NRXN1: variants seen among roughly 807,000 people sequenced by gnomAD.
The protein encoded by NRXN1 is neurexin 1, also known as neurexin-1.
Under a neutral mutation model 150.9 loss-of-function variants are expected in NRXN1, and 39 were observed. That is an observed-to-expected ratio of 0.26 (90% confidence interval 0.20 to 0.34). The LOEUF is 0.34. Among genes scored for constraint, NRXN1 ranks in the 10% least tolerant of loss-of-function variants. The probability of loss-of-function intolerance (pLI) is 1.00; values close to 1 mark genes in which losing one functional copy is unlikely to be tolerated. For missense variants in NRXN1, 1,815 were observed against 1,949.9 expected, an observed-to-expected ratio of 0.93 and a Z score of 1.30; for synonymous variants, 924 against 757.0, an observed-to-expected ratio of 1.22 and a Z score of -3.62.
At chr2:50,527,490 AC>A in intron 12 of NRXN1, among the ~76,000 whole-genome samples, 1 of 152,294 alleles carries the variant, frequency 6.6e-6, no homozygotes, top group Non-Finnish European at 1.5e-5. Flanking sequence ...TAATTTATTA[AC>A]TTAATTTTTA....
chr2:50,266,536 TACACACACACACACACACAC>T (rs67570666), intron 17 of NRXN1, among the ~76,000 whole-genome samples: 1 of 112,800 alleles, frequency 8.9e-6, no homozygotes, highest in Admixed American at 9.5e-5. Flanking sequence ...TGTATATAAA[TACACACACACACACACACAC>T]ACACACACAC....
intron 17 of NRXN1, among the ~76,000 whole-genome samples, chr2:50,340,829 GT>G (rs926105579): frequency 2.6e-5 from 4 of 152,096 alleles, no homozygotes; most frequent in South Asian, 4.1e-4. Context: ...CATAAATTGT[GT>G]TTTTTTCTTT....
Position 50,207,859 on chromosome 2 carries a change from C to T in NRXN1, c.3546+28930G>A, listed in dbSNP as rs146751089. On this transcript the variant is annotated intron_variant, in intron 18 of 22. Coordinates refer to ENST00000401669, the MANE Select transcript of NRXN1 (RefSeq NM_001330078.2). Reference sequence around the variant, plus strand: ...CATTTCAAATCTCTTCCCTGCTATTCAGTACCACAAGTTAGGGCCTTTGTT... The same window carrying T: ...CATTTCAAATCTCTTCCCTGCTATTTAGTACCACAAGTTAGGGCCTTTGTT... Among the ~76,000 whole-genome samples the T allele has an allele frequency of 1.1e-3, 162 of 152,242 alleles. 1 individual carries two copies. Among genetic ancestry groups the T allele is most frequent in the African/African-American group, 3.7e-3 (153 of 41,554 alleles).
intron 5 of NRXN1, among the ~76,000 whole-genome samples, chr2:50,868,143 ATATAT>A: frequency 2.5e-4 from 1 of 3,974 alleles, no homozygotes; most frequent in Non-Finnish European, 5.3e-4. Context: ...ACAAAATATT[ATATAT>A]ATATATATAT....
chr2:50,305,776 CAG>C (rs970499925), intron 17 of NRXN1, among the ~76,000 whole-genome samples: 1 of 152,232 alleles, frequency 6.6e-6, no homozygotes, highest in Non-Finnish European at 1.5e-5. Context: ...AAACACAAGA[CAG>C]AGTCTGCTCT....
At chr2:51,019,017 C>A (rs1669174491) in intron 2 of NRXN1, among the ~76,000 whole-genome samples, 1 of 151,992 alleles carries the variant, frequency 6.6e-6, no homozygotes, top group Non-Finnish European at 1.5e-5. Context: ...CAGTAGGAAG[C>A]AGCACTAAAT....
rs546982879 is a variant in NRXN1, at chr2:50,253,657, C to A, written c.3365-16687G>T. On this transcript the variant is annotated intron_variant, in intron 17 of 22. Transcript: ENST00000401669. ...ATTTTATCAAAAGCTTTTTCTGCGT[C>A]TATTGAGATAATCACATAGTTTTTG... 7.2e-5 allele frequency among the ~76,000 whole-genome samples: 11 copies of A among 152,258 alleles called. No homozygotes were observed. In the South Asian group the frequency reaches 2.3e-3, roughly 32 times the overall value.
In NRXN1 at chr2:50,243,178, TAAC is replaced by T. The variant is rs369780408; in HGVS notation, c.3365-6211_3365-6209del. Among the ~76,000 whole-genome samples the T allele has an allele frequency of 3.8e-4, 57 of 151,762 alleles. 1 individual carries two copies. Among genetic ancestry groups the T allele is most frequent in the African/African-American group, 1.3e-3 (56 of 41,488 alleles). The stretch of plus-strand genomic sequence containing the variant: ...GCTAGGAGAGAGGATCTGAATGATC[TAAC>T]AACAAAGAAATGATAAATATATGAG... On this transcript the variant is annotated intron_variant, in intron 17 of 22. Coordinates refer to ENST00000401669, the MANE Select transcript of NRXN1 (RefSeq NM_001330078.2).
chr2:50,395,746 A>G (rs1015215556), intron 17 of NRXN1, among the ~76,000 whole-genome samples: 4 of 152,136 alleles, frequency 2.6e-5, no homozygotes, highest in African/African-American at 4.8e-5. Flanking sequence ...AAGGTTCCCT[A>G]TTTCAGAGAA....
intron 5 of NRXN1, among the ~76,000 whole-genome samples, chr2:50,750,268 T>C (rs913868015): frequency 1.3e-4 from 20 of 152,096 alleles, no homozygotes; most frequent in African/African-American, 3.6e-4. Context: ...TAGTCATTTT[T>C]TTCATTTCTG....
chr2:50,509,115 C>T (rs1264269348), intron 12 of NRXN1, among the ~76,000 whole-genome samples: 6 of 152,192 alleles, frequency 3.9e-5, no homozygotes. Flanking sequence ...GCTACAACTA[C>T]TTGTCGCCAG....
chr2:51,006,992 G>A (rs1375748312), intron 2 of NRXN1, among the ~76,000 whole-genome samples: 1 of 151,792 alleles, frequency 6.6e-6, no homozygotes, highest in Non-Finnish European at 1.5e-5. Flanking sequence ...AACACCAATA[G>A]AGCAGTGACC....
In NRXN1 at chr2:50,538,315, C is replaced by G. The variant is rs1225376091; in HGVS notation, c.2081G>C (p.Gly694Ala). The change falls in exon 10 of 23, where the codon GGG (glycine) becomes GCG (alanine). Residue 694 changes from glycine to alanine, a missense_variant. This residue lies in a region of NRXN1 where 638 missense variants were observed against 652.6 expected (regional missense o/e 0.98). Coordinates refer to ENST00000401669, the MANE Select transcript of NRXN1 (RefSeq NM_001330078.2). ...PCKNNGMCRD[G>A]WNRYVCDCSG... ...ACAATCACAGACATATCTGTTCCACCCATCCCTGCACATGCCATTGTTTTT... is the reference window on the plus strand; with the variant it reads ...ACAATCACAGACATATCTGTTCCACGCATCCCTGCACATGCCATTGTTTTT... 1 of 1,613,844 alleles carries G rather than the reference C, an allele frequency of 6.2e-7. No individual in the cohort carries two copies. Among genetic ancestry groups the G allele is most frequent in the Non-Finnish European group, 8.5e-7 (1 of 1,179,862 alleles).
intron 17 of NRXN1, among the ~76,000 whole-genome samples, chr2:50,363,782 A>T (rs999481486): frequency 2.0e-5 from 3 of 152,362 alleles, no homozygotes; most frequent in Admixed American, 6.5e-5. Context: ...CTATAAAGAC[A>T]TATGCACATT....
chr2:50,467,057 A>C (rs1359974253), intron 16 of NRXN1, among the ~76,000 whole-genome samples: 2 of 151,786 alleles, frequency 1.3e-5, no homozygotes, highest in Non-Finnish European at 2.9e-5. Flanking sequence ...GGATGAAAGA[A>C]GTAGGAAGGA....
intron 21 of NRXN1, among the ~76,000 whole-genome samples, chr2:49,954,705 G>A (rs1009349860): frequency 2.0e-5 from 3 of 152,048 alleles, no homozygotes; most frequent in African/African-American, 4.8e-5. Context: ...TCTTCTATAC[G>A]GATTAATAAT....
chr2:50,252,208 T>C (rs576352059), intron 17 of NRXN1, among the ~76,000 whole-genome samples: 1 of 150,080 alleles, frequency 6.7e-6, no homozygotes, highest in East Asian at 1.9e-4. Flanking sequence ...TTTTTTAAAA[T>C]TTTATATTTT....
intron 5 of NRXN1, among the ~76,000 whole-genome samples, chr2:50,920,249 G>A (rs1685807946): frequency 6.6e-6 from 1 of 151,678 alleles, no homozygotes; most frequent in Non-Finnish European, 1.5e-5. Flanking sequence ...AACTGGTGAA[G>A]TTAAAAAATA....
At chr2:50,894,768 G>A (rs1273168685) in intron 5 of NRXN1, among the ~76,000 whole-genome samples, 1 of 152,036 alleles carries the variant, frequency 6.6e-6, no homozygotes, top group Admixed American at 6.5e-5. Context: ...CAGTGGCAGA[G>A]GATATCATTT....
Sources: allele counts gnomAD v4.1 joint callset (sites outside exome capture counted in the v4.1 genomes callset), GRCh38; gene constraint gnomAD v4.1.1; regional missense constraint gnomAD v4.1.1; transcripts MANE v1.5; gene names NCBI Gene and HGNC (gene_info 2026-07-23, HGNC 2026-07-21).